SLC5A8: variants seen among roughly 807,000 people sequenced by gnomAD.
SLC5A8 encodes sodium-coupled monocarboxylate transporter 1.
SLC5A8 carries 55 observed loss-of-function variants against 71.9 expected under a neutral mutation model. That is an observed-to-expected ratio of 0.77 (90% CI 0.62 to 0.96). The LOEUF (loss-of-function observed/expected upper bound fraction) is 0.96. Ranked by LOEUF, SLC5A8 falls within the 40% of genes least tolerant of loss-of-function variation. The probability of loss-of-function intolerance (pLI) is 0.00; values close to 1 mark genes in which losing one functional copy is unlikely to be tolerated. For synonymous variants in SLC5A8, 307 were observed against 276.1 expected (o/e 1.11, Z -1.11); for missense variants, 701 against 745.3 (o/e 0.94, Z 0.69).
rs1221125973 is a variant in SLC5A8 at position 101,184,302 on chromosome 12, G to C, written c.964-80C>G. The C allele has an allele frequency of 4.2e-6, 5 of 1,182,262 alleles. No homozygotes were observed. The African/African-American group carries it at 7.7e-5, about 18-fold the overall frequency. The allele number at this position is 1,182,262 out of a possible 1,614,324, so 73.2% of individuals were successfully genotyped here. The stretch of plus-strand genomic sequence containing the variant: ...GAATGCCTAGTTTATCATTTGTCTT[G>C]TCTCCTTCGGGAACTGAAAGGAGTT... On this transcript the variant is annotated intron_variant, in intron 7 of 14. Coordinates refer to ENST00000536262, the MANE Select transcript of SLC5A8 (RefSeq NM_145913.5).
chr12:101,205,985 C>T (rs1282330641), intron 1 of SLC5A8, among the ~76,000 whole-genome samples: 1 of 152,200 alleles, frequency 6.6e-6, no homozygotes, highest in Non-Finnish European at 1.5e-5. Flanking sequence ...GCCCTTGACC[C>T]AGTCCCACGC....
chr12:101,194,974 C>A (rs780019959), intron 4 of SLC5A8, 121 bp downstream of exon 4: 5 of 846,686 alleles, frequency 5.9e-6, no homozygotes, highest in Non-Finnish European at 9.5e-6. Flanking sequence ...AGTTACACTG[C>A]AGGAGGTTGG....
Position 101,193,711 on chromosome 12 carries a change from G to A in SLC5A8, c.606C>T (p.Ser202=), listed in dbSNP as rs146366832. The A allele has an allele frequency of 3.4e-5, 55 of 1,613,938 alleles. 1 individual carries two copies. The Middle Eastern group carries it at 4.4e-3, about 130-fold the overall frequency. Residue 202 remains serine, a synonymous_variant, in exon 5 of 15, where the codon TCC becomes TCT. Coordinates refer to ENST00000536262, the MANE Select transcript of SLC5A8 (RefSeq NM_145913.5). ...GCATCACCACAGCCTGTATAATCAC[G>A]GATGCAAATCCAGCCACCATGATCC... ...QVGIMVAGFA[S]VIIQAVVMQG...
At chr12:101,180,133 AC>A in intron 9 of SLC5A8, 37 bp from the exon 10 acceptor site, 1 of 1,595,884 alleles carries the variant, frequency 6.3e-7, no homozygotes. Context: ...TAAAATCCAC[AC>A]CCAGAGAATT....
chr12:101,189,679 C>G (rs2137154358), intron 6 of SLC5A8, among the ~76,000 whole-genome samples: 1 of 152,258 alleles, frequency 6.6e-6, no homozygotes, highest in South Asian at 2.1e-4. Context: ...TGCTGTCCTT[C>G]CTACCTCTGT....
intron 5 of SLC5A8, among the ~76,000 whole-genome samples, chr12:101,191,955 G>C (rs1307558950): frequency 6.6e-6 from 1 of 152,174 alleles, no homozygotes; most frequent in Non-Finnish European, 1.5e-5. Context: ...TAAAGTGACA[G>C]CTATCTTGCA....
In SLC5A8 at chr12:101,181,891, C is replaced by A. The variant is rs574190570; in HGVS notation, c.1165+912G>T. Among the ~76,000 whole-genome samples, 3 of 152,250 alleles carry A rather than the reference C, an allele frequency of 2.0e-5. No homozygotes were observed. The East Asian group carries it at 5.8e-4, about 29-fold the overall frequency. ...GACTCATTTCAGGCTACAGTTGTGG[C>A]AATTTTACATAGAATTATGGCTACT... On this transcript the variant is annotated intron_variant, in intron 9 of 14. Transcript: ENST00000536262.
At chr12:101,185,724 A>G (rs1069472) in intron 7 of SLC5A8, among the ~76,000 whole-genome samples, 41,382 of 151,652 alleles carry the variant, frequency 0.27, 6,056 homozygotes, top group East Asian at 0.55. Context: ...GATTATGGGA[A>G]CCCACCACCA....
At chr12:101,186,545 A>C (rs1192663279) in intron 7 of SLC5A8, among the ~76,000 whole-genome samples, 2 of 152,078 alleles carry the variant, frequency 1.3e-5, no homozygotes, top group Non-Finnish European at 2.9e-5. Context: ...CCCCTTTTTG[A>C]AAGACAATAA....
intron 5 of SLC5A8, among the ~76,000 whole-genome samples, chr12:101,191,246 C>A (rs1352769878): frequency 6.6e-6 from 1 of 152,280 alleles, no homozygotes; most frequent in East Asian, 1.9e-4. Flanking sequence ...AAAACATTGT[C>A]ACAGGGAAAG....
chr12:101,181,911 G>C (rs1868378138), intron 9 of SLC5A8, among the ~76,000 whole-genome samples: 1 of 152,138 alleles, frequency 6.6e-6, no homozygotes, highest in African/African-American at 2.4e-5. Context: ...TAGAATTATG[G>C]CTACTAATGG....
rs1263789248 is a variant in SLC5A8 at position 101,187,522 on chromosome 12, A to G, written c.834-7T>C. The G allele has an allele frequency of 6.3e-7, 1 of 1,595,048 alleles. No homozygotes were observed. Among genetic ancestry groups the G allele is most frequent in the Non-Finnish European group, 8.5e-7 (1 of 1,173,238 alleles). ...AAGATTGATGTAGAGAGACCTAAAG[A>G]AGTGAAAACAAACCAGCAAAAGACA... On this transcript the variant is annotated splice_polypyrimidine_tract_variant and splice_region_variant and intron_variant, in intron 6 of 14. Coordinates refer to ENST00000536262, the MANE Select transcript of SLC5A8 (RefSeq NM_145913.5).
chr12:101,189,684 C>T (rs1055250472), intron 6 of SLC5A8, among the ~76,000 whole-genome samples: 2 of 152,132 alleles, frequency 1.3e-5, no homozygotes, highest in Non-Finnish European at 2.9e-5. Context: ...TCCTTCCTAC[C>T]TCTGTGCGTT....
intron 5 of SLC5A8, among the ~76,000 whole-genome samples, chr12:101,191,106 T>G (rs745468175): frequency 6.6e-6 from 1 of 152,208 alleles, no homozygotes; most frequent in Non-Finnish European, 1.5e-5. Context: ...ATCAGTCAAT[T>G]AATGCAGTTT....
At chr12:101,208,171 T>C (rs1566328056) in intron 1 of SLC5A8, among the ~76,000 whole-genome samples, 1 of 152,098 alleles carries the variant, frequency 6.6e-6, no homozygotes, top group African/African-American at 2.4e-5. Context: ...TGAGCAAACC[T>C]GAGAAACTGC....
At chr12:101,174,265 G>A (rs569134419) in intron 10 of SLC5A8, among the ~76,000 whole-genome samples, 2 of 152,212 alleles carry the variant, frequency 1.3e-5, no homozygotes, top group Admixed American at 1.3e-4. Context: ...GCTTCCCCAG[G>A]GGCGATGTCT....
At chr12:101,164,309 G>T (rs1335743035) in intron 12 of SLC5A8, among the ~76,000 whole-genome samples, 1 of 152,050 alleles carries the variant, frequency 6.6e-6, no homozygotes, top group East Asian at 1.9e-4. Context: ...TAACTAAGTC[G>T]CAAAAGTAAA....
intron 2 of SLC5A8, 90 bp from the exon 3 acceptor site, chr12:101,202,305 T>C (rs1322714678): frequency 8.5e-7 from 1 of 1,171,476 alleles, no homozygotes; most frequent in Non-Finnish European, 1.2e-6. Flanking sequence ...TGTTTTCCTA[T>C]AACTTCAATT....
At chr12:101,162,597 C>T (rs1301753086) in intron 12 of SLC5A8, among the ~76,000 whole-genome samples, 3 of 152,170 alleles carry the variant, frequency 2.0e-5, no homozygotes, top group African/African-American at 7.2e-5. Context: ...TTTTCAGCAA[C>T]ATGGATGCAG....
Sources: allele counts gnomAD v4.1 joint callset (sites outside exome capture counted in the v4.1 genomes callset), GRCh38; gene constraint gnomAD v4.1.1; transcripts MANE v1.5; gene names NCBI Gene and HGNC (gene_info 2026-07-23, HGNC 2026-07-21).